Variants in SMCO2 observed in about 807,000 individuals in gnomAD.
The protein encoded by SMCO2 is single-pass membrane and coiled-coil domain-containing protein 2.
A neutral mutation model predicts 29.5 loss-of-function variants in SMCO2; 25 were observed. The ratio of observed to expected loss-of-function variants is 0.85; its 90% CI spans 0.62 to 1.18. SMCO2 has a LOEUF of 1.18. SMCO2 is among the 50% of genes most tolerant of loss of function. The pLI, the probability that SMCO2 is intolerant of heterozygous loss-of-function variation, is 0.00. For missense variants in SMCO2, 348 were observed against 344.5 expected (o/e 1.01, Z -0.08); for synonymous variants, 117 against 123.3 (o/e 0.95, Z 0.34).
the SMCO2 span, among the ~76,000 whole-genome samples, chr12:27,457,801 A>C: frequency 6.6e-6 from 1 of 152,182 alleles, no homozygotes; most frequent in Non-Finnish European, 1.5e-5. Context: ...ATAATTTAAA[A>C]CTTCGTAACC....
intron 1 of SMCO2, among the ~76,000 whole-genome samples, chr12:27,469,611 C>G (rs1949524983): frequency 6.6e-6 from 1 of 152,188 alleles, no homozygotes; most frequent in Non-Finnish European, 1.5e-5. Context: ...CCCTCTAGTT[C>G]TAGGCCAATC....
upstream of SMCO2, among the ~76,000 whole-genome samples, chr12:27,464,574 G>A (rs925190121): frequency 5.9e-5 from 9 of 151,814 alleles, no homozygotes; most frequent in African/African-American, 1.9e-4. Context: ...AAAGTTAGCC[G>A]GGTGTGGTGG....
intron 7 of SMCO2, 126 bp downstream of exon 8, chr12:27,495,981 A>G (rs1942996280): frequency 2.9e-6 from 3 of 1,036,794 alleles, no homozygotes; most frequent in Non-Finnish European, 2.6e-6. Context: ...TAAATTATCT[A>G]TGTTCTTTAA....
At chr12:27,484,133 G>C (rs1157492289) in intron 4 of SMCO2, among the ~76,000 whole-genome samples, 1 of 152,202 alleles carries the variant, frequency 6.6e-6, no homozygotes, top group East Asian at 1.9e-4. Context: ...GCTCACACCT[G>C]TAATCCCAGC....
the SMCO2 span, among the ~76,000 whole-genome samples, chr12:27,455,483 A>G: frequency 2.7e-4 from 41 of 152,346 alleles, no homozygotes; most frequent in African/African-American, 9.9e-4. Context: ...TTTCAGAAGA[A>G]CACAGTTTAT....
At chr12:27,498,668 AT>A (rs1943041080) in intron 7 of SMCO2, 1 of 152,524 alleles carries the variant, frequency 6.6e-6, no homozygotes, top group Non-Finnish European at 1.5e-5. Flanking sequence ...TTAAATAACC[AT>A]TATATTAACA....
the SMCO2 span, among the ~76,000 whole-genome samples, chr12:27,459,454 G>A: frequency 1.4e-4 from 21 of 152,166 alleles, no homozygotes; most frequent in African/African-American, 4.8e-4. Context: ...GGGAACAACA[G>A]ACTGAGAACT....
At chr12:27,485,994 C>T (rs577063846) in intron 4 of SMCO2, among the ~76,000 whole-genome samples, 12 of 152,192 alleles carry the variant, frequency 7.9e-5, no homozygotes, top group Non-Finnish European at 1.3e-4. Flanking sequence ...AGGACTAATA[C>T]GGCTCCACTA....
At position 27,482,535 on chromosome 12, in the gene SMCO2, A is replaced by G. The variant is rs1949653919; in HGVS notation, c.363-5925A>G. On this transcript the variant is annotated intron_variant, in intron 4 of 7. Transcript: ENST00000298876. ...AGGCTGGTCTTGAACTCCTGACCTC[A>G]GGTGATCCGCCCACATTGGCCTACC... 2.0e-5 allele frequency among the ~76,000 whole-genome samples: 3 copies of G among 152,112 alleles called. No individual in the cohort carries two copies. The South Asian group carries it at 6.2e-4, about 32-fold the overall frequency.
intron 6 of SMCO2, among the ~76,000 whole-genome samples, chr12:27,494,722 G>T (rs1388044984): frequency 6.6e-6 from 1 of 151,868 alleles, no homozygotes; most frequent in Admixed American, 6.6e-5. Flanking sequence ...TGTTTTCATT[G>T]TTCAACTCCC....
chr12:27,449,428 C>A, the SMCO2 span, among the ~76,000 whole-genome samples: 10 of 152,296 alleles, frequency 6.6e-5, no homozygotes, highest in African/African-American at 2.4e-4. Context: ...ACAGAATTCT[C>A]TGCAAAAATG....
the SMCO2 span, among the ~76,000 whole-genome samples, chr12:27,425,571 C>G: frequency 5.9e-5 from 9 of 152,186 alleles, no homozygotes; most frequent in African/African-American, 2.2e-4. Flanking sequence ...CTCAGCTTTG[C>G]TTTCCTATGA....
chr12:27,491,528 T>C (rs556954821), intron 5 of SMCO2, among the ~76,000 whole-genome samples: 6 of 152,176 alleles, frequency 3.9e-5, no homozygotes, highest in Non-Finnish European at 7.3e-5. Context: ...ATTCAGGGAT[T>C]GATGATGAAT....
the SMCO2 span, among the ~76,000 whole-genome samples, chr12:27,452,809 A>T: frequency 6.6e-6 from 1 of 152,030 alleles, no homozygotes; most frequent in Non-Finnish European, 1.5e-5. Context: ...TGATATATTT[A>T]CTTTCCTTTG....
chr12:27,477,103 T>C (rs1317519163), intron 4 of SMCO2, among the ~76,000 whole-genome samples: 1 of 152,134 alleles, frequency 6.6e-6, no homozygotes. Context: ...TTTAAGCATT[T>C]CTTGTGGTGA....
chr12:27,462,617 A>G (rs887130084), upstream of SMCO2, among the ~76,000 whole-genome samples: 1 of 152,134 alleles, frequency 6.6e-6, no homozygotes, highest in Non-Finnish European at 1.5e-5. Flanking sequence ...CCATTTTATT[A>G]ATGACAGAAG....
At chr12:27,476,056 G>T (rs960869563) in intron 4 of SMCO2, among the ~76,000 whole-genome samples, 1 of 152,110 alleles carries the variant, frequency 6.6e-6, no homozygotes, top group Non-Finnish European at 1.5e-5. Context: ...AATTGTGGTA[G>T]GTTGTTTGTT....
chr12:27,501,427 A>AC (rs1565685277), intron 7 of SMCO2, among the ~76,000 whole-genome samples: 2,156 of 143,600 alleles, frequency 0.015, 210 homozygotes, highest in African/African-American at 0.056. Flanking sequence ...AAAAAAAAAA[A>AC]AAAAAAAAAA....
chr12:27,446,504 A>G, the SMCO2 span: 3 of 152,260 alleles, frequency 2.0e-5, no homozygotes, highest in African/African-American at 7.2e-5. Flanking sequence ...TACCTAGTTT[A>G]TAAATTGGAT....
Sources: allele counts gnomAD v4.1 joint callset (sites outside exome capture counted in the v4.1 genomes callset), GRCh38; gene constraint gnomAD v4.1.1; transcripts MANE v1.5; gene names NCBI Gene and HGNC (gene_info 2026-07-23, HGNC 2026-07-21).